Variants in RGSL1 observed in about 807,000 individuals in gnomAD.
RGSL1 encodes regulator of G protein signaling like 1.
RGSL1 carries 97 observed loss-of-function variants against 124.7 expected under a neutral mutation model. The ratio of observed to expected loss-of-function variants is 0.78; its 90% CI spans 0.66 to 0.92. The LOEUF (loss-of-function observed/expected upper bound fraction) is 0.92, where lower values mean the gene tolerates loss of function less well. RGSL1 is among the 40% of genes least tolerant of loss of function. The pLI is 0.00. For missense variants in RGSL1, 1,233 were observed against 1,288.4 expected, an observed-to-expected ratio of 0.96 and a Z score of 0.66; for synonymous variants, 424 against 438.1, an observed-to-expected ratio of 0.97 and a Z score of 0.40.
At chr1:182,490,622 T>A (rs559523000) in intron 8 of RGSL1, among the ~76,000 whole-genome samples, 2 of 152,282 alleles carry the variant, frequency 1.3e-5, no homozygotes, top group East Asian at 3.9e-4. Flanking sequence ...CCAAAGTAGA[T>A]GAAAAGATGG....
In RGSL1 at chr1:182,531,189, A is replaced by G. The variant is rs538612994; in HGVS notation, c.2364+279A>G. 3.9e-5 allele frequency among the ~76,000 whole-genome samples: 6 copies of G among 152,258 alleles called. No individual in the cohort carries two copies. In the East Asian group the frequency reaches 1.2e-3, roughly 29 times the overall value. On this transcript the variant is annotated intron_variant, in intron 13 of 21. Coordinates refer to ENST00000294854, the MANE Select transcript of RGSL1 (RefSeq NM_001137669.2). ...TGGTTTTGCTGGTCCTCTGCACCCA[A>G]ATTAAACTTACAAACCCAGTCACTG...
chr1:182,529,177 A>G (rs188129840), intron 11 of RGSL1, among the ~76,000 whole-genome samples: 2 of 152,314 alleles, frequency 1.3e-5, no homozygotes, highest in East Asian at 3.9e-4. Context: ...CCTTTCATTT[A>G]ATTTTATTTA....
chr1:182,449,082 A>G (rs896240473), upstream of RGSL1, among the ~76,000 whole-genome samples: 4 of 152,206 alleles, frequency 2.6e-5, no homozygotes, highest in African/African-American at 9.7e-5. Flanking sequence ...AGTGCTTCAC[A>G]CTGAACTCTC....
Position 182,460,154 on chromosome 1 carries a change from GTGTGTC to G in RGSL1, c.301+27_301+32del, listed in dbSNP as rs746124437. ...AGGAGGTAAGCATTGGTGTGCATGCGTGTGTCTGTGTGTGTGTGTGTGTGTGTGTGT... is the reference window on the plus strand; with the variant it reads ...AGGAGGTAAGCATTGGTGTGCATGCGTGTGTGTGTGTGTGTGTGTGTGTGT... On this transcript the variant is annotated intron_variant, in intron 4 of 21. Coordinates refer to ENST00000294854, the MANE Select transcript of RGSL1 (RefSeq NM_001137669.2). 2.3e-5 allele frequency: 35 copies of G among 1,489,774 alleles called. No homozygotes were observed. In the South Asian group the frequency reaches 3.5e-4, roughly 15 times the overall value. 92.3% of individuals were successfully genotyped at this position (1,489,774 alleles called of 1,614,324 possible).
intron 17 of RGSL1, 55 bp downstream of exon 17, chr1:182,548,879 G>T: frequency 6.5e-7 from 1 of 1,538,448 alleles, no homozygotes; most frequent in Non-Finnish European, 8.8e-7. Context: ...CACTTAGTTT[G>T]GAGAGAGTTT....
At chr1:182,450,376 T>G (rs1462971991) in intron 1 of RGSL1, 198 bp downstream of exon 1, 1 of 641,830 alleles carries the variant, frequency 1.6e-6, no homozygotes, top group Non-Finnish European at 2.8e-6. Context: ...TTGAGGATAG[T>G]ACAGGGCCTT....
chr1:182,472,466 G>A lies in RGSL1; in HGVS notation c.372G>A (p.Val124=), dbSNP rs61759907. The A allele has an allele frequency of 3.1e-4, 478 of 1,551,258 alleles. No homozygotes were observed. The highest frequency in any genetic ancestry group is 4.0e-4 in the Non-Finnish European group (458 of 1,146,680). The change falls in exon 5 of 22, where the codon GTG becomes GTA. Residue 124 remains valine (V), a synonymous_variant. Transcript: ENST00000294854. ...GCATAGATGAGATGGACCTGGAAGT[G>A]AGAGACTACTACCTGTCCCTCCTCC... ...ILSIDEMDLE[V]RDYYLSLLLM... is the part of the protein sequence containing the mutation.
In RGSL1 at chr1:182,488,466, ACCAAAGATCAG is replaced by A. The variant is rs545248951; in HGVS notation, c.1494+121_1494+131del. ...GAAATTGTTATTTTTCCTAGAGTCA[ACCAAAGATCAG>A]CATGGTCCCTGTTGTTCTAAAGCTA... On this transcript the variant is annotated intron_variant, in intron 7 of 21. Coordinates refer to ENST00000294854, the MANE Select transcript of RGSL1 (RefSeq NM_001137669.2). The A allele has an allele frequency of 2.3e-4, 224 of 985,774 alleles. No homozygotes were observed. In the African/African-American group the frequency reaches 3.3e-3, roughly 15 times the overall value. 61.1% of individuals were successfully genotyped at this position (985,774 alleles called of 1,614,324 possible).
intron 6 of RGSL1, among the ~76,000 whole-genome samples, chr1:182,486,513 TA>T (rs1401795110): frequency 6.6e-6 from 1 of 151,688 alleles, no homozygotes; most frequent in Admixed American, 6.6e-5. Context: ...GTTATTTTTT[TA>T]TTTTTTATTT....
chr1:182,501,295 C>CTTTTT (rs1434758827), intron 9 of RGSL1, among the ~76,000 whole-genome samples: 2 of 102,312 alleles, frequency 2.0e-5, no homozygotes, highest in Admixed American at 2.1e-4. Flanking sequence ...CTTTTCTTTT[C>CTTTTT]TTTTTTCTTT....
At chr1:182,550,940 C>CCACT in intron 17 of RGSL1, 160 bp from the exon 18 acceptor site, 1 of 611,256 alleles carries the variant, frequency 1.6e-6, no homozygotes, top group East Asian at 2.8e-5. Flanking sequence ...AGAACAAAGG[C>CCACT]CACTGGCAGG....
At chr1:182,542,869 G>C (rs957828016) in intron 15 of RGSL1, among the ~76,000 whole-genome samples, 3 of 151,954 alleles carry the variant, frequency 2.0e-5, no homozygotes, top group African/African-American at 7.2e-5. Flanking sequence ...CATTGTTGGT[G>C]TTTATAAATG....
intron 15 of RGSL1, among the ~76,000 whole-genome samples, chr1:182,547,134 A>G (rs1660261086): frequency 1.3e-5 from 2 of 152,258 alleles, no homozygotes; most frequent in South Asian, 2.1e-4. Context: ...GACATTGGAT[A>G]TACAAAAAAC....
intron 13 of RGSL1, 138 bp downstream of exon 13, chr1:182,531,048 C>T (rs1026344011): frequency 2.0e-6 from 2 of 992,904 alleles, no homozygotes; most frequent in Admixed American, 5.9e-5. Context: ...TAAGCAAGTC[C>T]CTCTCTTCTC....
At chr1:182,495,683 GT>G (rs1180173348) in intron 9 of RGSL1, among the ~76,000 whole-genome samples, 1 of 152,158 alleles carries the variant, frequency 6.6e-6, no homozygotes, top group East Asian at 1.9e-4. Flanking sequence ...GGCTTCAGCT[GT>G]TTATTTTCAC....
intron 9 of RGSL1, among the ~76,000 whole-genome samples, chr1:182,501,315 T>C (rs1324571741): frequency 0.053 from 5,194 of 98,732 alleles, 107 homozygotes; most frequent in South Asian, 0.15. Context: ...TTCTTTTTTT[T>C]TTTTTTTTTT....
intron 6 of RGSL1, among the ~76,000 whole-genome samples, chr1:182,480,610 C>T (rs1240219824): frequency 6.6e-6 from 1 of 152,058 alleles, no homozygotes; most frequent in Admixed American, 6.6e-5. Context: ...CGCCCACCAC[C>T]ATGCCCACCT....
At chr1:182,545,271 AG>A (rs1660138083) in intron 15 of RGSL1, among the ~76,000 whole-genome samples, 1 of 152,192 alleles carries the variant, frequency 6.6e-6, no homozygotes, top group African/African-American at 2.4e-5. Flanking sequence ...ATAGAAACAA[AG>A]AAAAAACTAA....
intron 4 of RGSL1, among the ~76,000 whole-genome samples, chr1:182,463,315 A>G (rs1180781124): frequency 2.0e-5 from 3 of 151,634 alleles, no homozygotes; most frequent in African/African-American, 7.3e-5. Flanking sequence ...AAAAAAAGGA[A>G]ATTAACTTTA....
Sources: gnomAD v4.1 joint callset for allele counts (sites outside exome capture counted in the v4.1 genomes callset) on GRCh38, gnomAD v4.1.1 for gene constraint, MANE v1.5 for transcripts, NCBI Gene and HGNC (gene_info 2026-07-23, HGNC 2026-07-21) for gene names.